Variants in CHCHD3 observed in about 807,000 individuals in gnomAD.
CHCHD3 encodes the protein coiled-coil-helix-coiled-coil-helix domain containing 3.
CHCHD3 carries 20 observed loss-of-function variants against 38.2 expected under a neutral mutation model. That is an observed-to-expected ratio of 0.52 (90% CI 0.37 to 0.76). The LOEUF is 0.76. CHCHD3 is among the 30% of genes least tolerant of loss of function. The pLI is 0.00. For synonymous variants in CHCHD3, 82 were observed against 100.0 expected, an observed-to-expected ratio of 0.82 and a Z score of 1.07; for missense variants, 245 against 279.2, an observed-to-expected ratio of 0.88 and a Z score of 0.87.
chr7:132,973,246 ATTC>A lies in CHCHD3; in HGVS notation c.369+1920_369+1922del, dbSNP rs1011014577. Reference sequence around the variant, plus strand: ...GGCAAAGAGAAATGCCAACCAAGGTATTCTTCTGCCCGCTGGAAACTAAGAGTT... The same window carrying A: ...GGCAAAGAGAAATGCCAACCAAGGTATTCTGCCCGCTGGAAACTAAGAGTT... On this transcript the variant is annotated intron_variant, in intron 4 of 7. Coordinates refer to ENST00000262570, the MANE Select transcript of CHCHD3 (RefSeq NM_017812.4). The A allele has an allele frequency of 7.1e-6, 7 of 985,414 alleles. No homozygotes were observed. In the African/African-American group the frequency reaches 1.0e-4, roughly 15 times the overall value. 61.0% of individuals were successfully genotyped at this position (985,414 alleles called of 1,614,324 possible).
rs186963208 is a variant in CHCHD3 at position 132,839,026 on chromosome 7, A to G, written c.454-557T>C. 5.9e-5 allele frequency among the ~76,000 whole-genome samples: 9 copies of G among 152,014 alleles called. No individual in the cohort carries two copies. The East Asian group carries it at 1.7e-3, about 29-fold the overall frequency. On this transcript the variant is annotated intron_variant, in intron 5 of 7. Coordinates refer to ENST00000262570, the MANE Select transcript of CHCHD3 (RefSeq NM_017812.4). ...ACCAATATGGAGAAACCACGTCTCT[A>G]CTTTAAAAAAAAAAAATTAGCTGGG...
intron 4 of CHCHD3, among the ~76,000 whole-genome samples, chr7:132,971,622 T>C (rs1811614015): frequency 6.6e-6 from 1 of 151,408 alleles, no homozygotes; most frequent in Admixed American, 6.6e-5. Flanking sequence ...GCCAGAAAGA[T>C]GTGGGGGGTG....
chr7:132,794,427 T>TA (rs1229327055), intron 7 of CHCHD3, among the ~76,000 whole-genome samples: 3 of 152,236 alleles, frequency 2.0e-5, no homozygotes, highest in East Asian at 1.9e-4. Flanking sequence ...CAGGTTGTCA[T>TA]AAAAAAACAA....
At chr7:132,903,323 T>G (rs1809715697) in intron 4 of CHCHD3, among the ~76,000 whole-genome samples, 1 of 147,848 alleles carries the variant, frequency 6.8e-6, no homozygotes, top group East Asian at 1.9e-4. Context: ...TTCTTTTTAG[T>G]TGTTATATTG....
chr7:132,858,392 T>C (rs886450555), intron 5 of CHCHD3, among the ~76,000 whole-genome samples: 5 of 152,194 alleles, frequency 3.3e-5, no homozygotes, highest in African/African-American at 1.2e-4. Context: ...TTAGTTTCAC[T>C]TCTCTTGAGC....
At chr7:133,014,184 A>C (rs1178281361) in intron 3 of CHCHD3, among the ~76,000 whole-genome samples, 1 of 152,176 alleles carries the variant, frequency 6.6e-6, no homozygotes, top group Non-Finnish European at 1.5e-5. Flanking sequence ...GGCACCAAGA[A>C]ACAAGGAATT....
At chr7:133,057,519 A>G (rs919501964) in intron 2 of CHCHD3, among the ~76,000 whole-genome samples, 1 of 152,130 alleles carries the variant, frequency 6.6e-6, no homozygotes, top group African/African-American at 2.4e-5. Flanking sequence ...CCATTACCAT[A>G]CCATAGCACT....
At chr7:132,941,084 T>G (rs1369788644) in intron 4 of CHCHD3, among the ~76,000 whole-genome samples, 1 of 152,184 alleles carries the variant, frequency 6.6e-6, no homozygotes, top group African/African-American at 2.4e-5. Context: ...TTCTACCCAC[T>G]AAAGCATTAT....
intron 3 of CHCHD3, among the ~76,000 whole-genome samples, chr7:132,989,994 G>A (rs1812229403): frequency 6.6e-6 from 1 of 152,074 alleles, no homozygotes; most frequent in Non-Finnish European, 1.5e-5. Context: ...CCAATGTGGT[G>A]AAACCCCAAC....
chr7:132,904,878 T>G (rs1809757100), intron 4 of CHCHD3, among the ~76,000 whole-genome samples: 1 of 152,194 alleles, frequency 6.6e-6, no homozygotes, highest in Admixed American at 6.5e-5. Context: ...TAAGAAAATG[T>G]GGCACATATA....
chr7:132,877,900 T>C (rs998692603), intron 5 of CHCHD3, among the ~76,000 whole-genome samples: 7 of 152,186 alleles, frequency 4.6e-5, no homozygotes, highest in African/African-American at 1.7e-4. Context: ...ACCAGGAAGT[T>C]ACATTTTTAA....
chr7:133,012,024 G>C (rs1278328280), intron 3 of CHCHD3, among the ~76,000 whole-genome samples: 1 of 152,026 alleles, frequency 6.6e-6, no homozygotes, highest in Non-Finnish European at 1.5e-5. Context: ...AGTTGATAAG[G>C]GTTACAGAAA....
At chr7:132,856,237 C>A (rs2117123979) in intron 5 of CHCHD3, among the ~76,000 whole-genome samples, 1 of 152,156 alleles carries the variant, frequency 6.6e-6, no homozygotes, top group African/African-American at 2.4e-5. Flanking sequence ...AAGAATGCAC[C>A]CATCCATGAG....
chr7:132,981,791 T>C (rs1811924226), intron 3 of CHCHD3, among the ~76,000 whole-genome samples: 1 of 152,130 alleles, frequency 6.6e-6, no homozygotes, highest in African/African-American at 2.4e-5. Flanking sequence ...CTTCAGATAA[T>C]GGGTAAGAAT....
rs1194991953 is a variant in CHCHD3, at chr7:132,997,595, A to G, written c.252-22309T>C. On this transcript the variant is annotated intron_variant, in intron 3 of 7. Transcript: ENST00000262570. ...GAAAGAACAATTTTAGACACAAAAA[A>G]TGCTTCTACCATTTTCCTGCATAGG... Among the ~76,000 whole-genome samples, 5 of 149,158 alleles carry G rather than the reference A, an allele frequency of 3.4e-5. No homozygotes were observed. The East Asian group carries it at 1.0e-3, about 31-fold the overall frequency.
intron 1 of CHCHD3, among the ~76,000 whole-genome samples, chr7:133,072,263 TAAA>T (rs34730303): frequency 7.3e-5 from 11 of 150,650 alleles, no homozygotes; most frequent in African/African-American, 2.7e-4. Context: ...TAATAAACTT[TAAA>T]AAAAAAAAGC....
chr7:132,830,993 C>T (rs1326350867), intron 6 of CHCHD3, among the ~76,000 whole-genome samples: 1 of 152,040 alleles, frequency 6.6e-6, no homozygotes, highest in African/African-American at 2.4e-5. Context: ...TTGCTCACAG[C>T]CCTTCAAATT....
At chr7:132,967,801 C>T (rs1207556277) in intron 4 of CHCHD3, among the ~76,000 whole-genome samples, 1 of 148,198 alleles carries the variant, frequency 6.7e-6, no homozygotes, top group Non-Finnish European at 1.5e-5. Context: ...TGCACTCCAG[C>T]CTGGGCAACA....
chr7:132,916,986 G>C (rs1810122597), intron 4 of CHCHD3, among the ~76,000 whole-genome samples: 1 of 152,162 alleles, frequency 6.6e-6, no homozygotes, highest in Non-Finnish European at 1.5e-5. Flanking sequence ...CATCCACAGG[G>C]GGGTCTTGGA....
Sources: gnomAD v4.1 joint callset for allele counts (sites outside exome capture counted in the v4.1 genomes callset) on GRCh38, gnomAD v4.1.1 for gene constraint, MANE v1.5 for transcripts, NCBI Gene and HGNC (gene_info 2026-07-23, HGNC 2026-07-21) for gene names.